The following CCDC178 variants were observed in gnomAD, a reference collection of about 807,000 sequenced individuals.
The protein encoded by CCDC178 is coiled-coil domain containing 178.
A neutral mutation model predicts 117.4 loss-of-function variants in CCDC178; 126 were observed. The observed-to-expected ratio is 1.07, with a 90% confidence interval of 0.93 to 1.24. CCDC178 has a LOEUF of 1.24. Among genes scored for constraint, CCDC178 ranks in the 50% most tolerant of loss-of-function variants. The pLI is 0.00. For missense variants in CCDC178, 1,030 were observed against 986.9 expected, an observed-to-expected ratio of 1.04 and a Z score of -0.59; for synonymous variants, 283 against 313.4, an observed-to-expected ratio of 0.90 and a Z score of 1.02.
chr18:33,004,165 A>G (rs997640421), intron 21 of CCDC178, among the ~76,000 whole-genome samples: 1 of 152,210 alleles, frequency 6.6e-6, no homozygotes, highest in African/African-American at 2.4e-5. Flanking sequence ...CAGAAATAGA[A>G]AAAACAATCC....
In CCDC178 at chr18:33,351,148, ATGTGTGTG is replaced by A. The variant is rs143702049; in HGVS notation, c.372-2181_372-2174del. On this transcript the variant is annotated intron_variant, in intron 7 of 22. Transcript: ENST00000383096. ...TCTAGGATAAATCTCACTGATCATGATGTGTGTGTGTGTGTGTGTGTGTGTGTGTGTGT... is the reference window on the plus strand; with the variant it reads ...TCTAGGATAAATCTCACTGATCATGATGTGTGTGTGTGTGTGTGTGTGTGT... Among the ~76,000 whole-genome samples, 81 of 138,172 alleles carry A rather than the reference ATGTGTGTG, an allele frequency of 5.9e-4. 1 individual carries two copies. Among genetic ancestry groups the A allele is most frequent in the African/African-American group, 2.1e-3 (77 of 35,994 alleles). 90.6% of individuals were successfully genotyped at this position (138,172 alleles called of 152,430 possible). A position where few individuals can be genotyped will look rare whatever the true frequency, so the allele number is the denominator to read the frequency against.
chr18:33,156,226 T>A (rs2144361164), intron 20 of CCDC178, among the ~76,000 whole-genome samples: 1 of 151,066 alleles, frequency 6.6e-6, no homozygotes, highest in Non-Finnish European at 1.5e-5. Flanking sequence ...GTAGCTGGGA[T>A]TAAAGGCACC....
At chr18:33,112,535 TATTA>T (rs1311164055) in intron 20 of CCDC178, among the ~76,000 whole-genome samples, 3 of 151,910 alleles carry the variant, frequency 2.0e-5, no homozygotes, top group Admixed American at 6.6e-5. Context: ...AATTTTCATT[TATTA>T]GACAGCCTGC....
At chr18:33,403,859 T>C (rs968521588) in intron 3 of CCDC178, among the ~76,000 whole-genome samples, 1 of 152,214 alleles carries the variant, frequency 6.6e-6, no homozygotes, top group Non-Finnish European at 1.5e-5. Flanking sequence ...CAGGTATATT[T>C]TTACTTTTAT....
rs149691986 is a variant in CCDC178, at chr18:32,948,361, T to C, written c.2524-10270A>G. Among the ~76,000 whole-genome samples, 333 of 152,246 alleles carry C rather than the reference T, an allele frequency of 2.2e-3. 3 individuals are homozygous for C. Among genetic ancestry groups the C allele is most frequent in the African/African-American group, 7.7e-3 (321 of 41,572 alleles). On this transcript the variant is annotated intron_variant, in intron 22 of 22. Coordinates refer to ENST00000383096, the MANE Select transcript of CCDC178 (RefSeq NM_001105528.4). Reference sequence around the variant, plus strand: ...TACATCTTGATTTATTCAGGACTTCTTTAATTTCTCTCAGAAATGTAGTTT... The same window carrying C: ...TACATCTTGATTTATTCAGGACTTCCTTAATTTCTCTCAGAAATGTAGTTT...
intron 20 of CCDC178, among the ~76,000 whole-genome samples, chr18:33,108,106 G>A (rs2057732119): frequency 6.6e-6 from 1 of 151,548 alleles, no homozygotes; most frequent in Non-Finnish European, 1.5e-5. Context: ...CAACCATAGT[G>A]ATAAGTGTTT....
At chr18:33,280,869 C>T (rs1317895773) in intron 12 of CCDC178, among the ~76,000 whole-genome samples, 1 of 151,982 alleles carries the variant, frequency 6.6e-6, no homozygotes, top group East Asian at 1.9e-4. Context: ...AACTAAACAC[C>T]GCATGTTCTC....
At chr18:32,982,497 A>C (rs931831261) in intron 21 of CCDC178, among the ~76,000 whole-genome samples, 1 of 152,180 alleles carries the variant, frequency 6.6e-6, no homozygotes, top group African/African-American at 2.4e-5. Flanking sequence ...TATGAATAAT[A>C]ATTTGTTCAT....
chr18:33,119,694 C>G (rs1246456848), intron 20 of CCDC178, among the ~76,000 whole-genome samples: 2 of 152,106 alleles, frequency 1.3e-5, no homozygotes, highest in Non-Finnish European at 2.9e-5. Context: ...GGTATATACC[C>G]AAAGGATTAT....
intron 6 of CCDC178, among the ~76,000 whole-genome samples, chr18:33,361,138 CA>C (rs1331978026): frequency 6.6e-6 from 1 of 151,406 alleles, no homozygotes; most frequent in Non-Finnish European, 1.5e-5. Context: ...GGCATAAAAA[CA>C]AAAACATAGA....
At chr18:32,944,881 G>A (rs1252605377) in intron 22 of CCDC178, among the ~76,000 whole-genome samples, 8 of 152,094 alleles carry the variant, frequency 5.3e-5, no homozygotes, top group Admixed American at 4.6e-4. Context: ...ATTCTCTCTT[G>A]CCTGCTGCCA....
intron 21 of CCDC178, among the ~76,000 whole-genome samples, chr18:32,999,336 T>A (rs1009568864): frequency 6.6e-6 from 1 of 152,150 alleles, no homozygotes; most frequent in Non-Finnish European, 1.5e-5. Context: ...GAGCACCAGA[T>A]AGATTCCTAA....
intron 20 of CCDC178, among the ~76,000 whole-genome samples, chr18:33,176,161 T>G (rs537482486): frequency 6.6e-6 from 1 of 152,306 alleles, no homozygotes; most frequent in South Asian, 2.1e-4. Context: ...TTTTACTTAT[T>G]GTCACTCTCC....
At chr18:33,269,720 C>A (rs1431907671) in intron 12 of CCDC178, among the ~76,000 whole-genome samples, 1 of 151,718 alleles carries the variant, frequency 6.6e-6, no homozygotes, top group Non-Finnish European at 1.5e-5. Flanking sequence ...CAAAACAAAA[C>A]AACAAAGATT....
At chr18:33,403,140 T>G (rs1010186800) in intron 3 of CCDC178, among the ~76,000 whole-genome samples, 2 of 152,176 alleles carry the variant, frequency 1.3e-5, no homozygotes, top group Non-Finnish European at 2.9e-5. Context: ...CTTGAGACTC[T>G]GCATGTGCCA....
chr18:33,040,527 T>C (rs1485000836), intron 21 of CCDC178, among the ~76,000 whole-genome samples: 1 of 152,042 alleles, frequency 6.6e-6, no homozygotes, highest in Non-Finnish European at 1.5e-5. Context: ...TGTATCTATT[T>C]GGGAGAATAG....
chr18:33,051,623 T>A (rs1220238078), intron 21 of CCDC178, among the ~76,000 whole-genome samples: 9 of 152,220 alleles, frequency 5.9e-5, no homozygotes, highest in Admixed American at 5.9e-4. Context: ...TTATTTGCAA[T>A]GAGGTTGGCT....
At chr18:33,422,179 C>T (rs1045916142) in intron 2 of CCDC178, among the ~76,000 whole-genome samples, 6 of 152,086 alleles carry the variant, frequency 3.9e-5, no homozygotes, top group Non-Finnish European at 5.9e-5. Flanking sequence ...GTTTTGTGCT[C>T]TTTTCTTAGA....
At chr18:33,008,901 C>A (rs2055804625) in intron 21 of CCDC178, among the ~76,000 whole-genome samples, 2 of 152,072 alleles carry the variant, frequency 1.3e-5, no homozygotes, top group East Asian at 1.9e-4. Context: ...TACCTGACAT[C>A]TTCACCTGAA....
Sources: gnomAD v4.1 joint callset for allele counts (sites outside exome capture counted in the v4.1 genomes callset) on GRCh38, gnomAD v4.1.1 for gene constraint, MANE v1.5 for transcripts, NCBI Gene and HGNC (gene_info 2026-07-23, HGNC 2026-07-21) for gene names.